Variants in PLXNA4 observed in about 807,000 individuals in gnomAD.
PLXNA4 encodes the protein plexin A4.
Under a neutral mutation model 191.8 loss-of-function variants are expected in PLXNA4, and 44 were observed. That is an observed-to-expected ratio of 0.23 (90% CI 0.18 to 0.29). The LOEUF (loss-of-function observed/expected upper bound fraction) is 0.29. PLXNA4 is among the 10% of genes least tolerant of loss of function. The pLI, the probability that PLXNA4 is intolerant of heterozygous loss-of-function variation, is 1.00. For missense variants in PLXNA4, 1,800 were observed against 2,488.8 expected, an observed-to-expected ratio of 0.72 and a Z score of 5.89; for synonymous variants, 1,082 against 1,009.5, an observed-to-expected ratio of 1.07 and a Z score of -1.36.
At chr7:132,276,365 A>G (rs1300513183) in intron 4 of PLXNA4, among the ~76,000 whole-genome samples, 1 of 152,126 alleles carries the variant, frequency 6.6e-6, no homozygotes, top group Non-Finnish European at 1.5e-5. Context: ...GATGGAAAAT[A>G]AAGTATAGCA....
intron 4 of PLXNA4, among the ~76,000 whole-genome samples, chr7:132,259,285 A>G (rs1799537238): frequency 6.6e-6 from 1 of 151,806 alleles, no homozygotes; most frequent in Non-Finnish European, 1.5e-5. Flanking sequence ...AAACCAGCCC[A>G]TCTAGCTGGG....
chr7:132,237,307 C>T (rs1385381896), intron 5 of PLXNA4, among the ~76,000 whole-genome samples: 1 of 152,210 alleles, frequency 6.6e-6, no homozygotes, highest in Non-Finnish European at 1.5e-5. Flanking sequence ...ACTCATTATG[C>T]CTCAGACTGC....
intron 3 of PLXNA4, among the ~76,000 whole-genome samples, chr7:132,369,105 C>A (rs891690421): frequency 6.6e-6 from 1 of 152,164 alleles, no homozygotes; most frequent in African/African-American, 2.4e-5. Flanking sequence ...AGAGCCTCTC[C>A]CAGCCCTTTC....
chr7:132,388,378 C>T lies in PLXNA4; in HGVS notation c.1372-90156G>A, dbSNP rs545520105. ...TGTTAAGTATCTTGCCCAAAGTCAC[C>T]CAGCCACATTGTGTCCCTGCCTGAG... On this transcript the variant is annotated intron_variant, in intron 3 of 31. Transcript: ENST00000321063. Among the ~76,000 whole-genome samples the T allele has an allele frequency of 4.6e-5, 7 of 152,234 alleles. No individual in the cohort carries two copies. In the South Asian group the frequency reaches 1.5e-3, roughly 32 times the overall value.
chr7:132,502,406 G>A (rs1379879975), intron 2 of PLXNA4, among the ~76,000 whole-genome samples: 1 of 152,192 alleles, frequency 6.6e-6, no homozygotes, highest in Admixed American at 6.5e-5. Context: ...GCCCTTGTGG[G>A]ACTACACAGG....
intron 4 of PLXNA4, among the ~76,000 whole-genome samples, chr7:132,248,731 C>T (rs1799143696): frequency 6.6e-6 from 1 of 152,174 alleles, no homozygotes; most frequent in South Asian, 2.1e-4. Context: ...AGCCCCTCAG[C>T]AAAGTACTAA....
intron 10 of PLXNA4, among the ~76,000 whole-genome samples, chr7:132,205,471 G>C (rs573245749): frequency 2.3e-4 from 35 of 152,274 alleles, no homozygotes; most frequent in African/African-American, 7.9e-4. Context: ...GTATAAGAGA[G>C]GGATGCCCTC....
At chr7:132,299,014 T>G (rs1801209470) in intron 3 of PLXNA4, among the ~76,000 whole-genome samples, 1 of 152,234 alleles carries the variant, frequency 6.6e-6, no homozygotes, top group Non-Finnish European at 1.5e-5. Context: ...AGAAAAGACA[T>G]GAGCTTTCCA....
At chr7:132,447,248 C>A (rs1235892322) in intron 3 of PLXNA4, among the ~76,000 whole-genome samples, 1 of 152,196 alleles carries the variant, frequency 6.6e-6, no homozygotes, top group Admixed American at 6.5e-5. Context: ...CTACTTCCTG[C>A]TCTCAGTGCT....
chr7:132,587,791 C>T (rs1486065996), intron 2 of PLXNA4, among the ~76,000 whole-genome samples: 1 of 151,892 alleles, frequency 6.6e-6, no homozygotes, highest in Non-Finnish European at 1.5e-5. Flanking sequence ...GCACTGTACA[C>T]CTCATTCATC....
chr7:132,613,655 A>C lies in PLXNA4; in HGVS notation c.-87+32273T>G, dbSNP rs1327354910. On this transcript the variant is annotated intron_variant, in intron 2 of 4. Coordinates refer to the PLXNA4 transcript ENST00000378539. ...CTGGAACACAGACCAGGACAAACGCAAAGTAGCATGTGTGATATTCTTGCA... is the reference window on the plus strand; with the variant it reads ...CTGGAACACAGACCAGGACAAACGCCAAGTAGCATGTGTGATATTCTTGCA... Among the ~76,000 whole-genome samples, 3 of 152,342 alleles carry C rather than the reference A, an allele frequency of 2.0e-5. No individual in the cohort carries two copies. In the East Asian group the frequency reaches 5.8e-4, roughly 29 times the overall value.
At chr7:132,177,038 T>C (rs977822250) in intron 20 of PLXNA4, among the ~76,000 whole-genome samples, 6 of 152,104 alleles carry the variant, frequency 3.9e-5, no homozygotes, top group Non-Finnish European at 7.4e-5. Flanking sequence ...TGTAAGTATA[T>C]GTCAGTGTGT....
chr7:132,501,944 AGAG>A (rs1238454542), intron 2 of PLXNA4, among the ~76,000 whole-genome samples: 1 of 152,230 alleles, frequency 6.6e-6, no homozygotes, highest in Non-Finnish European at 1.5e-5. Context: ...GGTGCGGGGA[AGAG>A]GAGGAGTTCC....
chr7:132,519,377 C>A (rs1323276961), intron 1 of PLXNA4, among the ~76,000 whole-genome samples: 3 of 152,188 alleles, frequency 2.0e-5, no homozygotes, highest in African/African-American at 7.2e-5. Context: ...GGGGGGACAC[C>A]ATGGGAAGTT....
chr7:132,463,738 A>G (rs898659881), intron 3 of PLXNA4, among the ~76,000 whole-genome samples: 3 of 152,240 alleles, frequency 2.0e-5, no homozygotes, highest in Admixed American at 6.5e-5. Context: ...CAGCTGGACT[A>G]TGAATCCACA....
At chr7:132,361,917 AG>A (rs1156731220) in intron 3 of PLXNA4, among the ~76,000 whole-genome samples, 1 of 152,248 alleles carries the variant, frequency 6.6e-6, no homozygotes, top group African/African-American at 2.4e-5. Flanking sequence ...AAGGAAAAGA[AG>A]AAGAGAAATT....
intron 3 of PLXNA4, among the ~76,000 whole-genome samples, chr7:132,308,463 G>T (rs370926507): frequency 8.9e-4 from 136 of 152,230 alleles, no homozygotes; most frequent in Non-Finnish European, 4.9e-4. Context: ...CCTGCCATGC[G>T]CCACACACCA....
chr7:132,483,331 C>T (rs1797413251), intron 3 of PLXNA4, among the ~76,000 whole-genome samples: 1 of 152,114 alleles, frequency 6.6e-6, no homozygotes, highest in African/African-American at 2.4e-5. Flanking sequence ...AGGTGTGAGC[C>T]CAGCAGTAAA....
chr7:132,645,287 T>C (rs1803845558), intron 2 of PLXNA4, among the ~76,000 whole-genome samples: 1 of 152,082 alleles, frequency 6.6e-6, no homozygotes, highest in African/African-American at 2.4e-5. Context: ...TGGTGGGAGG[T>C]GATTGGATCG....
Sources: gnomAD v4.1 joint callset for allele counts (sites outside exome capture counted in the v4.1 genomes callset) on GRCh38, gnomAD v4.1.1 for gene constraint, MANE v1.5 for transcripts, NCBI Gene and HGNC (gene_info 2026-07-23, HGNC 2026-07-21) for gene names.